RTF2: variants seen among roughly 807,000 people sequenced by gnomAD.
RTF2 encodes the protein replication termination factor 2.
A neutral mutation model predicts 38.0 loss-of-function variants in RTF2; 18 were observed. The ratio of observed to expected loss-of-function variants is 0.47; its 90% CI spans 0.33 to 0.70. The LOEUF (loss-of-function observed/expected upper bound fraction) is 0.70, where lower values mean the gene tolerates loss of function less well. RTF2 is among the 30% of genes least tolerant of loss of function. The pLI is 0.02. For synonymous variants in RTF2, 126 were observed against 137.1 expected (o/e 0.92, Z 0.57); for missense variants, 311 against 379.6 (o/e 0.82, Z 1.50).
intron 5 of RTF2, among the ~76,000 whole-genome samples, chr20:56,507,792 C>T (rs900655963): frequency 1.3e-5 from 2 of 152,202 alleles, no homozygotes; most frequent in African/African-American, 4.8e-5. Context: ...AGCCACAGCT[C>T]CAGGCCCCAC....
At chr20:56,481,878 T>A (rs1982543429) in intron 4 of RTF2, among the ~76,000 whole-genome samples, 1 of 152,214 alleles carries the variant, frequency 6.6e-6, no homozygotes, top group Non-Finnish European at 1.5e-5. Flanking sequence ...ATGCATAGAA[T>A]CATACAATAT....
At chr20:56,474,111 T>C (rs1362734777) in intron 2 of RTF2, among the ~76,000 whole-genome samples, 1 of 152,206 alleles carries the variant, frequency 6.6e-6, no homozygotes, top group Non-Finnish European at 1.5e-5. Context: ...TACTTATACG[T>C]TAAATTTCCC....
chr20:56,516,921 C>CT lies in RTF2; in HGVS notation c.592-13dup, dbSNP rs757962749. 10 of 1,613,020 alleles carry CT rather than the reference C, an allele frequency of 6.2e-6. No individual in the cohort carries two copies. The East Asian group carries it at 1.8e-4, about 29-fold the overall frequency. On this transcript the variant is annotated splice_polypyrimidine_tract_variant and intron_variant, in intron 6 of 8. Coordinates refer to ENST00000357348, the MANE Select transcript of RTF2 (RefSeq NM_016407.5). ...ATCTGAGCACAGCCTCCAACATTCTCTATCTTTTTGTAGAAAACAAAGAAA... is the reference window on the plus strand; with the variant it reads ...ATCTGAGCACAGCCTCCAACATTCTCTTATCTTTTTGTAGAAAACAAAGAAA...
At chr20:56,482,456 C>A (rs1182303203) in intron 4 of RTF2, among the ~76,000 whole-genome samples, 1 of 152,122 alleles carries the variant, frequency 6.6e-6, no homozygotes, top group Non-Finnish European at 1.5e-5. Flanking sequence ...TATTTTTGAT[C>A]CGGTTTGGTT....
At chr20:56,496,849 T>A in intron 5 of RTF2, 1 of 1,551,842 alleles carries the variant, frequency 6.4e-7, no homozygotes, top group Non-Finnish European at 8.7e-7. Context: ...ATACTTCCTT[T>A]AGGAACGAAT....
chr20:56,480,946 G>T (rs1982498427), intron 4 of RTF2, among the ~76,000 whole-genome samples: 1 of 152,210 alleles, frequency 6.6e-6, no homozygotes, highest in African/African-American at 2.4e-5. Context: ...TGAAATATTT[G>T]AGAATTACCA....
chr20:56,497,159 A>G, intron 5 of RTF2: 2 of 1,551,446 alleles, frequency 1.3e-6, no homozygotes. Context: ...CAGCAGTCTT[A>G]TACTTCATTG....
intron 5 of RTF2, among the ~76,000 whole-genome samples, chr20:56,487,098 C>T (rs984624651): frequency 3.3e-5 from 5 of 152,156 alleles, no homozygotes; most frequent in African/African-American, 7.2e-5. Flanking sequence ...TTTTTTCTTA[C>T]GCCCATAATA....
Position 56,517,216 on chromosome 20 carries a change from A to C in RTF2, c.742+15A>C. 1 of 1,603,376 alleles carries C rather than the reference A, an allele frequency of 6.2e-7. No individual in the cohort carries two copies. Among genetic ancestry groups the C allele is most frequent in the Non-Finnish European group, 8.5e-7 (1 of 1,170,972 alleles). On this transcript the variant is annotated intron_variant, in intron 8 of 8. Transcript: ENST00000357348. Reference sequence around the variant, plus strand: ...CAAAAGCACAGGTGGGTCCTGTTGTAGCTACAGGGAGCTGTTTCGAGAAGG... The same window carrying C: ...CAAAAGCACAGGTGGGTCCTGTTGTCGCTACAGGGAGCTGTTTCGAGAAGG...
At chr20:56,495,724 C>T (rs1432298063) in intron 5 of RTF2, among the ~76,000 whole-genome samples, 1 of 152,146 alleles carries the variant, frequency 6.6e-6, no homozygotes, top group East Asian at 1.9e-4. Context: ...AAAAAAACCC[C>T]AACCAATGTC....
chr20:56,473,215 A>G, intron 1 of RTF2, 86 bp from the exon 2 acceptor site: 1 of 947,466 alleles, frequency 1.1e-6, no homozygotes, highest in Non-Finnish European at 1.7e-6. Context: ...ACAGTGCGGT[A>G]TTACTGAATA....
At chr20:56,510,318 G>A (rs899631143) in intron 5 of RTF2, among the ~76,000 whole-genome samples, 5 of 152,154 alleles carry the variant, frequency 3.3e-5, no homozygotes, top group African/African-American at 7.2e-5. Flanking sequence ...TTTTAGAGCC[G>A]GCTCTTAGCA....
At chr20:56,470,269 A>G (rs1292202730) in intron 1 of RTF2, among the ~76,000 whole-genome samples, 1 of 152,218 alleles carries the variant, frequency 6.6e-6, no homozygotes, top group Non-Finnish European at 1.5e-5. Flanking sequence ...TCTTGTGCCC[A>G]GGGCTGAAAA....
At chr20:56,487,281 A>G (rs571154993) in intron 5 of RTF2, among the ~76,000 whole-genome samples, 1 of 152,194 alleles carries the variant, frequency 6.6e-6, no homozygotes, top group African/African-American at 2.4e-5. Context: ...CTCTGAGATT[A>G]TATCGTTGGT....
intron 5 of RTF2, among the ~76,000 whole-genome samples, chr20:56,493,082 A>T (rs1983275966): frequency 6.6e-6 from 1 of 152,130 alleles, no homozygotes; most frequent in African/African-American, 2.4e-5. Context: ...AGGCTGAGGC[A>T]GGAGAATCGC....
intron 5 of RTF2, among the ~76,000 whole-genome samples, 194 bp downstream of exon 5, chr20:56,484,383 T>G (rs1485800066): frequency 1.3e-5 from 2 of 152,204 alleles, no homozygotes; most frequent in Non-Finnish European, 2.9e-5. Context: ...CCAGTCCAGG[T>G]CAGACCACAC....
In RTF2 at chr20:56,472,434, C is replaced by G. The variant is rs150269265; in HGVS notation, c.70-867C>G. 9 of 1,435,804 alleles carry G rather than the reference C, an allele frequency of 6.3e-6. No individual in the cohort carries two copies. The African/African-American group carries it at 1.3e-4, about 20-fold the overall frequency. The allele number at this position is 1,435,804 out of a possible 1,614,324, so 88.9% of individuals were successfully genotyped here. A position where few individuals can be genotyped will look rare whatever the true frequency, so the allele number is the denominator to read the frequency against. On this transcript the variant is annotated intron_variant, in intron 1 of 8. Coordinates refer to ENST00000357348, the MANE Select transcript of RTF2 (RefSeq NM_016407.5). The stretch of plus-strand genomic sequence containing the variant: ...ATATGATGTATGTGAAAATGTCATT[C>G]GAGGGCCAGGGAGGGTCTTATGTCT...
chr20:56,496,412 G>A (rs1220173665), intron 5 of RTF2, among the ~76,000 whole-genome samples: 3 of 152,190 alleles, frequency 2.0e-5, no homozygotes, highest in Non-Finnish European at 4.4e-5. Context: ...GCTGGGCATG[G>A]TGGTGGGCGC....
intron 5 of RTF2, among the ~76,000 whole-genome samples, chr20:56,503,292 C>CA (rs1313712410): frequency 2.0e-5 from 3 of 152,186 alleles, no homozygotes; most frequent in Non-Finnish European, 2.9e-5. Flanking sequence ...ATGCCTTTCA[C>CA]AAAATGCCTA....
Sources: allele counts gnomAD v4.1 joint callset (sites outside exome capture counted in the v4.1 genomes callset), GRCh38; gene constraint gnomAD v4.1.1; transcripts MANE v1.5; gene names NCBI Gene and HGNC (gene_info 2026-07-23, HGNC 2026-07-21).